Variants in ARHGAP9 observed in about 807,000 individuals in gnomAD.
ARHGAP9 encodes the protein rho GTPase-activating protein 9.
ARHGAP9 carries 76 observed loss-of-function variants against 87.3 expected under a neutral mutation model. The ratio of observed to expected loss-of-function variants is 0.87; its 90% CI spans 0.72 to 1.05. The LOEUF (loss-of-function observed/expected upper bound fraction) is 1.05, where lower values mean the gene tolerates loss of function less well. Ranked by LOEUF, ARHGAP9 falls within the 50% of genes least tolerant of loss-of-function variation. The pLI is 0.00. For missense variants in ARHGAP9, 941 were observed against 960.5 expected (o/e 0.98, Z 0.27); for synonymous variants, 382 against 394.9 (o/e 0.97, Z 0.39).
At chr12:57,480,910 C>T, upstream of ARHGAP9, 1 of 1,388,818 alleles carries the variant, frequency 7.2e-7, no homozygotes, top group South Asian at 1.2e-5. Flanking sequence ...CAGCTCTCTT[C>T]CCCTGAGGGC....
rs886690354 is a variant in ARHGAP9 at position 57,479,739 on chromosome 12, C to T, written c.-28G>A. The T allele has an allele frequency of 5.2e-6, 8 of 1,550,640 alleles. No individual in the cohort carries two copies. The highest frequency in any genetic ancestry group is 7.0e-6 in the Non-Finnish European group (8 of 1,146,966). On this transcript the variant is annotated 5_prime_UTR_variant, in exon 1 of 18. Transcript: ENST00000393791. ...GTTTTCCTCCAAGTACCTTGTGGGG[C>T]CCATCAGAAGATTCAGGAGCAGGAG...
At chr12:57,475,702 C>T in intron 10 of ARHGAP9, 87 bp from the exon 11 acceptor site, 1 of 1,554,814 alleles carries the variant, frequency 6.4e-7, no homozygotes, top group East Asian at 2.3e-5. Context: ...CGGGGTCCCA[C>T]ATCCCGGCCC....
chr12:57,488,068 A>G (rs766219279), intron 1 of ARHGAP9: 1 of 1,607,412 alleles, frequency 6.2e-7, no homozygotes, highest in African/African-American at 1.3e-5. Context: ...TTCCGGTTGC[A>G]TCAGCGAGGG....
intron 1 of ARHGAP9, among the ~76,000 whole-genome samples, chr12:57,485,948 C>T (rs1875362745): frequency 6.6e-6 from 1 of 152,094 alleles, no homozygotes; most frequent in Non-Finnish European, 1.5e-5. Flanking sequence ...GACAGAATAT[C>T]TACATGAGAC....
chr12:57,478,455 C>T, intron 3 of ARHGAP9, 85 bp downstream of exon 3: 2 of 1,326,344 alleles, frequency 1.5e-6, no homozygotes, highest in Admixed American at 3.9e-5. Context: ...TTGTGTTTGT[C>T]ATCCCCAGGG....
rs575341846 is a variant in ARHGAP9 at position 57,474,725 on chromosome 12, G to A, written c.1652-22C>T. The A allele has an allele frequency of 1.2e-5, 19 of 1,613,690 alleles. No individual in the cohort carries two copies. The East Asian group carries it at 4.0e-4, about 34-fold the overall frequency. On this transcript the variant is annotated intron_variant, in intron 13 of 17. Transcript: ENST00000393791. ...AGACCTGGGAGATGAGGAAGGAGTA[G>A]ATAAGGACTGCTGCTTGAAAGTGTG...
chr12:57,477,725 C>T, intron 3 of ARHGAP9, 45 bp from the exon 4 acceptor site: 1 of 1,601,860 alleles, frequency 6.2e-7, no homozygotes, highest in Non-Finnish European at 8.5e-7. Flanking sequence ...CTGCCTGTTG[C>T]CCTTCCCATG....
At chr12:57,486,343 C>T (rs1216630618) in intron 1 of ARHGAP9, among the ~76,000 whole-genome samples, 2 of 151,430 alleles carry the variant, frequency 1.3e-5, no homozygotes, top group Non-Finnish European at 2.9e-5. Flanking sequence ...GATCTCGGCT[C>T]ACTGCAACCT....
chr12:57,477,460 G>A lies in ARHGAP9; in HGVS notation c.755C>T (p.Thr252Met), dbSNP rs147287939. 201 of 1,614,018 alleles carry A rather than the reference G, an allele frequency of 1.2e-4. No individual in the cohort carries two copies. The highest frequency in any genetic ancestry group is 6.1e-4 in the South Asian group (56 of 91,060). ...WKPPRRSRSETNPGSMEGTQT... is the reference protein window; with the variant it reads ...WKPPRRSRSEMNPGSMEGTQT... ...GAGAAGCAGGAGGTAAGGTCTCACC[G>A]TCTCGCTGCGACTGCGGCGCGGGGG... The change falls in exon 4 of 18, where the codon ACG becomes ATG. Residue 252 changes from threonine to methionine, a missense_variant and splice_region_variant. Transcript: ENST00000393791.
chr12:57,486,899 A>AAT (rs2139988915), intron 1 of ARHGAP9, among the ~76,000 whole-genome samples: 1 of 150,646 alleles, frequency 6.6e-6, no homozygotes, highest in East Asian at 2.0e-4. Context: ...GAAAAAAAAA[A>AAT]AAAAGAGATG....
rs1873279481 is a variant in ARHGAP9 at position 57,475,547 on chromosome 12, G to T, written c.1380C>A (p.Asp460Glu). 6.2e-7 allele frequency: 1 copy of T among 1,608,050 alleles called. No homozygotes were observed. ...ACACCAGCTCCGACTCCTCTTCTTC[G>T]TCCTCCCCGGCGCTCAGCTCCGCGG... ...SGPAELSAGEDEEEESELVSK... is the reference protein window; with the variant it reads ...SGPAELSAGEEEEEESELVSK... The change falls in exon 11 of 18, where the codon GAC (aspartate) becomes GAA (glutamate). Residue 460 changes from aspartate (D) to glutamate (E), a missense_variant. Asp to Glu is a conservative substitution (Grantham distance 45). Transcript: ENST00000393791.
At chr12:57,474,364 G>C in intron 15 of ARHGAP9, 59 bp downstream of exon 15, 1 of 1,604,642 alleles carries the variant, frequency 6.2e-7, no homozygotes, top group Non-Finnish European at 8.5e-7. Context: ...GGGTTTCCAC[G>C]GGAAGCAAAG....
At chr12:57,482,462 G>A (rs1164920788), upstream of ARHGAP9, among the ~76,000 whole-genome samples, 3 of 152,008 alleles carry the variant, frequency 2.0e-5, no homozygotes, top group Non-Finnish European at 4.4e-5. Flanking sequence ...GGATGGTCTC[G>A]GTCTCCTGAC....
rs1873002154 is a variant in ARHGAP9 at position 57,474,882 on chromosome 12, A to ATC, written c.1642_1643dup (p.Asp548GlufsTer6). 1 of 1,614,170 alleles carries ATC rather than the reference A, an allele frequency of 6.2e-7. No homozygotes were observed. Among genetic ancestry groups the ATC allele is most frequent in the Non-Finnish European group, 8.5e-7 (1 of 1,180,024 alleles). On this transcript the variant is annotated frameshift_variant, in exon 13 of 18. Transcript: ENST00000393791. LOFTEE classifies it high-confidence loss of function. ...GGTCTCTGAGAAAATGACCTCTTTT[A>ATC]TCCACAGCAGCAATGCAGAGCCGCA...
Position 57,477,765 on chromosome 12 carries a change from C to T in ARHGAP9, c.535-85G>A, listed in dbSNP as rs781489802. On this transcript the variant is annotated intron_variant, in intron 3 of 17. Coordinates refer to ENST00000393791, the MANE Select transcript of ARHGAP9 (RefSeq NM_032496.4). Reference sequence around the variant, plus strand: ...TCTTGGCCTTCCCACCTCCTGCTCCCTCCCCCATTGTCTTCTCACCGCCAG... The same window carrying T: ...TCTTGGCCTTCCCACCTCCTGCTCCTTCCCCCATTGTCTTCTCACCGCCAG... 2.3e-5 allele frequency: 36 copies of T among 1,554,616 alleles called. No homozygotes were observed. The South Asian group carries it at 4.0e-4, about 17-fold the overall frequency.
At chr12:57,476,024 G>A (rs1181187160) in intron 9 of ARHGAP9, 47 bp downstream of exon 9, 3 of 1,505,110 alleles carry the variant, frequency 2.0e-6, no homozygotes, top group Admixed American at 2.1e-5. Flanking sequence ...GATTGGGGGC[G>A]CCCTCGGGTC....
At position 57,479,364 on chromosome 12, in the gene ARHGAP9, C is replaced by T; in HGVS notation, c.43G>A (p.Gly15Arg). ...RWWPSSWGILGLGPRSPPRGS... is the reference protein window; with the variant it reads ...RWWPSSWGILRLGPRSPPRGS... ...CGAGGAGGGCTTCGGGGGCCCAGCC[C>T]TAGGATCCCCCAGGAACTTGGCCAC... Residue 15 changes from glycine to arginine, a missense_variant, in exon 2 of 18, where the codon GGG becomes AGG. Gly to Arg is a moderately radical substitution (Grantham distance 125). Transcript: ENST00000393791. 1 of 1,613,852 alleles carries T rather than the reference C, an allele frequency of 6.2e-7. No individual in the cohort carries two copies. Among genetic ancestry groups the T allele is most frequent in the Non-Finnish European group, 8.5e-7 (1 of 1,179,896 alleles).
At chr12:57,482,237 A>G (rs1875066041), upstream of ARHGAP9, among the ~76,000 whole-genome samples, 1 of 151,532 alleles carries the variant, frequency 6.6e-6, no homozygotes, top group Non-Finnish European at 1.5e-5. Flanking sequence ...CTGCCTCTAC[A>G]AAAAAAATTT....
At chr12:57,479,579 G>A in intron 1 of ARHGAP9, 151 bp downstream of exon 1, 3 of 1,520,390 alleles carry the variant, frequency 2.0e-6, no homozygotes, top group Non-Finnish European at 2.6e-6. Flanking sequence ...GTGAGGATCG[G>A]TGACAGGTTT....
Sources: gnomAD v4.1 joint callset for allele counts (sites outside exome capture counted in the v4.1 genomes callset) on GRCh38, gnomAD v4.1.1 for gene constraint, MANE v1.5 for transcripts, NCBI Gene and HGNC (gene_info 2026-07-23, HGNC 2026-07-21) for gene names.